Variants in TMEM178A observed in about 807,000 individuals in gnomAD.
TMEM178A encodes the protein transmembrane protein 178A.
A neutral mutation model predicts 29.1 loss-of-function variants in TMEM178A; 12 were observed. That is an observed-to-expected ratio of 0.41 (90% CI 0.26 to 0.67). TMEM178A has a LOEUF of 0.67. Ranked by LOEUF, TMEM178A falls within the 30% of genes least tolerant of loss-of-function variation. The pLI is 0.29. For synonymous variants in TMEM178A, 210 were observed against 187.2 expected (o/e 1.12, Z -0.99); for missense variants, 366 against 419.1 (o/e 0.87, Z 1.11).
intron 1 of TMEM178A, among the ~76,000 whole-genome samples, chr2:39,689,602 A>G (rs1047354166): frequency 1.3e-5 from 2 of 152,220 alleles, no homozygotes; most frequent in Non-Finnish European, 2.9e-5. Flanking sequence ...TAATGTGTAC[A>G]GAGTTTTTGT....
intron 3 of TMEM178A, among the ~76,000 whole-genome samples, chr2:39,710,973 C>T (rs1672275174): frequency 6.6e-6 from 1 of 152,212 alleles, no homozygotes; most frequent in Non-Finnish European, 1.5e-5. Flanking sequence ...ACACAGCAGC[C>T]CTGCTGACTG....
intron 2 of TMEM178A, 142 bp downstream of exon 2, chr2:39,704,336 CAG>C (rs1481656377): frequency 2.1e-5 from 14 of 665,166 alleles, no homozygotes; most frequent in Non-Finnish European, 3.6e-5. Context: ...GTCAGAGACT[CAG>C]AGGATCATTT....
chr2:39,696,928 A>C (rs1671569330), intron 1 of TMEM178A, among the ~76,000 whole-genome samples: 1 of 152,106 alleles, frequency 6.6e-6, no homozygotes, highest in Admixed American at 6.5e-5. Context: ...AATCCTCTGC[A>C]TGTTTCTTCC....
chr2:39,675,897 A>C (rs1014241629), intron 1 of TMEM178A, among the ~76,000 whole-genome samples: 1 of 151,726 alleles, frequency 6.6e-6, no homozygotes, highest in Non-Finnish European at 1.5e-5. Flanking sequence ...GTCCCACCTC[A>C]GCTTCTGGAG....
intron 3 of TMEM178A, among the ~76,000 whole-genome samples, chr2:39,708,291 G>A (rs1672129107): frequency 6.6e-6 from 1 of 152,028 alleles, no homozygotes; most frequent in Non-Finnish European, 1.5e-5. Flanking sequence ...ATCACATGAG[G>A]TGGGGGAAGT....
chr2:39,735,069 A>T, the TMEM178A span, among the ~76,000 whole-genome samples: 4,184 of 152,232 alleles, frequency 0.027, 187 homozygotes, highest in African/African-American at 0.095. Context: ...GTATCCTAAA[A>T]CATATGTTAG....
intron 1 of TMEM178A, among the ~76,000 whole-genome samples, chr2:39,694,054 T>A (rs1383699816): frequency 6.6e-6 from 1 of 151,378 alleles, no homozygotes; most frequent in Non-Finnish European, 1.5e-5. Flanking sequence ...CTCTCCCTCT[T>A]TGGCCCCTAG....
At chr2:39,688,670 GC>G (rs1316076047) in intron 1 of TMEM178A, among the ~76,000 whole-genome samples, 1 of 152,214 alleles carries the variant, frequency 6.6e-6, no homozygotes, top group Non-Finnish European at 1.5e-5. Flanking sequence ...TTTCAACTTT[GC>G]TTTATCATTG....
the TMEM178A span, among the ~76,000 whole-genome samples, chr2:39,726,528 T>G: frequency 1.9e-4 from 29 of 152,162 alleles, no homozygotes; most frequent in African/African-American, 6.7e-4. Flanking sequence ...AGATGGAAAG[T>G]CATTGGAGGA....
intron 3 of TMEM178A, among the ~76,000 whole-genome samples, chr2:39,713,064 G>T (rs1206333467): frequency 1.3e-5 from 2 of 152,178 alleles, no homozygotes; most frequent in Non-Finnish European, 2.9e-5. Flanking sequence ...ACTCCATGCA[G>T]AACTTACGGG....
chr2:39,722,219 G>T (rs553272991), downstream of TMEM178A, among the ~76,000 whole-genome samples: 43 of 152,226 alleles, frequency 2.8e-4, no homozygotes, highest in South Asian at 8.5e-3. Flanking sequence ...TTACATGGCG[G>T]TGGGGAAACA....
chr2:39,711,234 T>C (rs1050238057), intron 3 of TMEM178A, among the ~76,000 whole-genome samples: 14 of 152,252 alleles, frequency 9.2e-5, no homozygotes, highest in Non-Finnish European at 1.5e-5. Flanking sequence ...CAGTGTACTG[T>C]GAATGAATAT....
chr2:39,702,296 C>A (rs1232724590), intron 1 of TMEM178A, among the ~76,000 whole-genome samples: 1 of 152,074 alleles, frequency 6.6e-6, no homozygotes, highest in East Asian at 1.9e-4. Flanking sequence ...GCTTGATTAG[C>A]TTAGTGGTAA....
chr2:39,689,255 G>A (rs1671212879), intron 1 of TMEM178A, among the ~76,000 whole-genome samples: 1 of 152,156 alleles, frequency 6.6e-6, no homozygotes, highest in African/African-American at 2.4e-5. Context: ...CCAGTAAGTT[G>A]CTCTTTTCTG....
intron 1 of TMEM178A, among the ~76,000 whole-genome samples, chr2:39,690,823 G>T (rs183974203): frequency 6.6e-6 from 1 of 152,124 alleles, no homozygotes; most frequent in Non-Finnish European, 1.5e-5. Context: ...ACAAGAGAAC[G>T]GAGACAACTA....
intron 1 of TMEM178A, among the ~76,000 whole-genome samples, chr2:39,689,950 T>C (rs1671242401): frequency 6.6e-6 from 1 of 152,176 alleles, no homozygotes; most frequent in South Asian, 2.1e-4. Flanking sequence ...CACAGCTCAA[T>C]GCCAAGAGAG....
downstream of TMEM178A, among the ~76,000 whole-genome samples, chr2:39,722,322 T>C (rs1477800964): frequency 6.6e-6 from 1 of 152,100 alleles, no homozygotes; most frequent in African/African-American, 2.4e-5. Flanking sequence ...TACAATAATT[T>C]GGGGAAAAGG....
chr2:39,721,745 G>A (rs1469827329), downstream of TMEM178A, among the ~76,000 whole-genome samples: 3 of 152,114 alleles, frequency 2.0e-5, no homozygotes, highest in Non-Finnish European at 4.4e-5. Context: ...TGTCATTCCG[G>A]TGTTTTGGAA....
chr2:39,666,107 C>A lies in TMEM178A; in HGVS notation c.133C>A (p.Arg45Ser). The A allele has an allele frequency of 6.4e-7, 1 of 1,559,476 alleles. No homozygotes were observed. Among genetic ancestry groups the A allele is most frequent in the Admixed American group, 1.9e-5 (1 of 53,860 alleles). Residue 45 changes from arginine to serine, a missense_variant, in exon 1 of 4, where the codon CGC becomes AGC. Around this residue, in one of 2 missense-constraint regions of TMEM178A, gnomAD observed 247 missense variants for 246.8 expected, o/e 1.00. Coordinates refer to ENST00000281961, the MANE Select transcript of TMEM178A (RefSeq NM_152390.3). ...DPRRHKESCE[R>S]SRAGADPPDQ... ...CCGGCGCCACAAGGAGAGCTGCGAG[C>A]GCAGCCGCGCGGGCGCCGACCCCCC...
Sources: gnomAD v4.1 joint callset for allele counts (sites outside exome capture counted in the v4.1 genomes callset) on GRCh38, gnomAD v4.1.1 for gene constraint, gnomAD v4.1.1 regional missense constraint, MANE v1.5 for transcripts, NCBI Gene and HGNC (gene_info 2026-07-23, HGNC 2026-07-21) for gene names.